AGMO: variants seen among roughly 807,000 people sequenced by gnomAD.
AGMO encodes the protein glyceryl-ether monooxygenase.
In AGMO, 75 loss-of-function variants were observed where a neutral mutation model predicts 60.2. That is an observed-to-expected ratio of 1.25 (90% CI 1.03 to 1.51). AGMO has a LOEUF of 1.51. AGMO is among the 40% of genes most tolerant of loss of function. The pLI is 0.00. For missense variants in AGMO, 763 were observed against 525.5 expected (o/e 1.45, Z -4.42); for synonymous variants, 261 against 177.1 (o/e 1.47, Z -3.76).
At chr7:15,533,632 T>C (rs193269168) in intron 3 of AGMO, among the ~76,000 whole-genome samples, 220 of 152,268 alleles carry the variant, frequency 1.4e-3, no homozygotes, top group Admixed American at 3.1e-3. Flanking sequence ...ATTTTCACCA[T>C]GGTGGGAGCC....
At chr7:15,244,201 T>C (rs1782676821) in intron 12 of AGMO, among the ~76,000 whole-genome samples, 2 of 152,184 alleles carry the variant, frequency 1.3e-5, no homozygotes, top group African/African-American at 4.8e-5. Flanking sequence ...ATACAAAGCA[T>C]AAAATGTGAG....
chr7:15,193,273 T>A, the AGMO span, among the ~76,000 whole-genome samples: 1 of 152,214 alleles, frequency 6.6e-6, no homozygotes, highest in Non-Finnish European at 1.5e-5. Flanking sequence ...TTAAGTGATA[T>A]AATTAACTCC....
intron 12 of AGMO, among the ~76,000 whole-genome samples, chr7:15,262,869 G>A (rs953663793): frequency 1.3e-5 from 2 of 152,012 alleles, no homozygotes; most frequent in Non-Finnish European, 1.5e-5. Flanking sequence ...GGGATACCTG[G>A]CAAGCCACAT....
At chr7:15,390,271 A>G (rs956764014) in intron 8 of AGMO, among the ~76,000 whole-genome samples, 13 of 152,204 alleles carry the variant, frequency 8.5e-5, no homozygotes, top group Non-Finnish European at 1.5e-4. Flanking sequence ...ACAGTAACAC[A>G]AAGGCCTCAC....
At chr7:15,492,094 T>C (rs1408627883) in intron 3 of AGMO, among the ~76,000 whole-genome samples, 5 of 152,212 alleles carry the variant, frequency 3.3e-5, no homozygotes, top group Admixed American at 3.3e-4. Context: ...ATTTCTAAAG[T>C]GGTTTCAAAA....
intron 10 of AGMO, among the ~76,000 whole-genome samples, chr7:15,367,645 T>C (rs1201425351): frequency 6.6e-6 from 1 of 152,056 alleles, no homozygotes; most frequent in Non-Finnish European, 1.5e-5. Flanking sequence ...TGAGATTACA[T>C]AGCCAAAGTT....
At chr7:15,506,752 C>G (rs1783521714) in intron 3 of AGMO, among the ~76,000 whole-genome samples, 1 of 151,638 alleles carries the variant, frequency 6.6e-6, no homozygotes, top group Admixed American at 6.6e-5. Context: ...AAAAGTGGGA[C>G]AAAATATAGA....
At chr7:15,507,536 A>G (rs1783549195) in intron 3 of AGMO, among the ~76,000 whole-genome samples, 1 of 152,132 alleles carries the variant, frequency 6.6e-6, no homozygotes, top group Non-Finnish European at 1.5e-5. Flanking sequence ...CGATGCCTTC[A>G]ACAAATAAAT....
intron 3 of AGMO, among the ~76,000 whole-genome samples, chr7:15,537,908 T>G (rs1784522145): frequency 6.6e-6 from 1 of 151,896 alleles, no homozygotes; most frequent in Non-Finnish European, 1.5e-5. Context: ...ACCTTTCCAG[T>G]TCATACATAT....
At position 15,349,071 on chromosome 7, in the gene AGMO, C is replaced by T. The variant is rs115695931; in HGVS notation, c.1263+16443G>A. Among the ~76,000 whole-genome samples, 828 of 152,104 alleles carry T rather than the reference C, an allele frequency of 5.4e-3. 12 individuals are homozygous for T. Among genetic ancestry groups the T allele is most frequent in the African/African-American group, 0.019 (773 of 41,528 alleles). On this transcript the variant is annotated intron_variant, in intron 12 of 12. Transcript: ENST00000342526. ...ATTTATAAGTAACACTTTATGAGTA[C>T]AACATGGAAGGAATATATACCTTTG... is the stretch of plus-strand genomic sequence containing the variant.
intron 3 of AGMO, among the ~76,000 whole-genome samples, chr7:15,537,270 C>T (rs897462235): frequency 2.0e-5 from 3 of 151,960 alleles, no homozygotes; most frequent in Non-Finnish European, 4.4e-5. Flanking sequence ...GAGTAAAATA[C>T]GTAAAATCTA....
chr7:15,118,949 T>G, the AGMO span, among the ~76,000 whole-genome samples: 2 of 130,732 alleles, frequency 1.5e-5, no homozygotes, highest in Non-Finnish European at 3.1e-5. Flanking sequence ...CAGGCTGGAG[T>G]GCAGTGGCAC....
intron 6 of AGMO, among the ~76,000 whole-genome samples, chr7:15,393,007 G>C (rs1055633399): frequency 6.6e-6 from 1 of 152,196 alleles, no homozygotes; most frequent in African/African-American, 2.4e-5. Flanking sequence ...AAAGTAAACA[G>C]AACGGCTATA....
chr7:15,341,734 G>A (rs1056548859), intron 12 of AGMO, among the ~76,000 whole-genome samples: 1 of 152,102 alleles, frequency 6.6e-6, no homozygotes, highest in African/African-American at 2.4e-5. Flanking sequence ...AAAGGAACAA[G>A]GTTTAATGGA....
At chr7:15,479,906 G>A (rs560214113) in intron 3 of AGMO, among the ~76,000 whole-genome samples, 17 of 152,256 alleles carry the variant, frequency 1.1e-4, no homozygotes, top group African/African-American at 4.1e-4. Context: ...GGAAGGATGT[G>A]CCCGTAGGAA....
rs756832586 is a variant in AGMO at position 15,299,830 on chromosome 7, TACACACACACACAC to T, written c.1263+65670_1263+65683del. 4.5e-3 allele frequency among the ~76,000 whole-genome samples: 216 copies of T among 48,190 alleles called. 2 individuals are homozygous for T. Among genetic ancestry groups the T allele is most frequent in the East Asian group, 3.5e-3 (7 of 2,012 alleles). The allele number at this position is 48,190 out of a possible 152,430, so 31.6% of individuals were successfully genotyped here. A position where few individuals can be genotyped will look rare whatever the true frequency, so the allele number is the denominator to read the frequency against. ...GAGACAGAGCAAGACTCTGTCTACA[TACACACACACACAC>T]ACACACACACACACACACACACACA... On this transcript the variant is annotated intron_variant, in intron 12 of 12. Transcript: ENST00000342526.
intron 12 of AGMO, among the ~76,000 whole-genome samples, chr7:15,236,795 C>T (rs1782436934): frequency 6.6e-6 from 1 of 151,868 alleles, no homozygotes; most frequent in Non-Finnish European, 1.5e-5. Context: ...AGTCTAGTTA[C>T]TAGTTAGTGA....
chr7:15,444,267 T>G (rs1029296875), intron 3 of AGMO, among the ~76,000 whole-genome samples: 3 of 152,342 alleles, frequency 2.0e-5, no homozygotes, highest in African/African-American at 7.2e-5. Context: ...AAATTAATCC[T>G]TTTTGTAATA....
chr7:15,245,165 T>A (rs574555042), intron 12 of AGMO, among the ~76,000 whole-genome samples: 1 of 152,190 alleles, frequency 6.6e-6, no homozygotes, highest in Non-Finnish European at 1.5e-5. Flanking sequence ...GTACATTATA[T>A]GGTACATTTC....
Sources: allele counts gnomAD v4.1 joint callset (sites outside exome capture counted in the v4.1 genomes callset), GRCh38; gene constraint gnomAD v4.1.1; transcripts MANE v1.5; gene names NCBI Gene and HGNC (gene_info 2026-07-23, HGNC 2026-07-21).